The following EYS variants were observed in gnomAD, a reference collection of about 807,000 sequenced individuals.
EYS encodes protein eyes shut homolog.
A neutral mutation model predicts 282.1 loss-of-function variants in EYS; 250 were observed. That is an observed-to-expected ratio of 0.89 (90% CI 0.80 to 0.98). The LOEUF is 0.98. Among genes scored for constraint, EYS ranks in the 50% least tolerant of loss-of-function variants. The probability of loss-of-function intolerance (pLI) is 0.00; values close to 1 mark genes in which losing one functional copy is unlikely to be tolerated. For synonymous variants in EYS, 1,355 were observed against 1,282.9 expected, an observed-to-expected ratio of 1.06 and a Z score of -1.20; for missense variants, 4,016 against 3,709.0, an observed-to-expected ratio of 1.08 and a Z score of -2.15.
At chr6:65,536,070 C>T (rs1223144083) in intron 2 of EYS, among the ~76,000 whole-genome samples, 1 of 151,964 alleles carries the variant, frequency 6.6e-6, no homozygotes, top group East Asian at 1.9e-4. Flanking sequence ...GAATTTACTT[C>T]AGATACATTT....
chr6:64,151,522 A>G (rs1774736901), intron 31 of EYS, among the ~76,000 whole-genome samples: 1 of 150,676 alleles, frequency 6.6e-6, no homozygotes. Flanking sequence ...CACCAATGAC[A>G]AGTTAATTTT....
chr6:65,643,349 C>T (rs989737388), intron 1 of EYS, among the ~76,000 whole-genome samples: 2 of 152,196 alleles, frequency 1.3e-5, no homozygotes, highest in Admixed American at 1.3e-4. Flanking sequence ...CTGGGAACCA[C>T]ATTCCCATTC....
At chr6:65,218,646 C>T (rs1485205713) in intron 12 of EYS, among the ~76,000 whole-genome samples, 1 of 152,078 alleles carries the variant, frequency 6.6e-6, no homozygotes, top group African/African-American at 2.4e-5. Context: ...TCAACCTAGT[C>T]CCAGGCCTAA....
At chr6:64,336,567 C>T (rs1223812299) in intron 29 of EYS, among the ~76,000 whole-genome samples, 1 of 152,036 alleles carries the variant, frequency 6.6e-6, no homozygotes, top group Non-Finnish European at 1.5e-5. Flanking sequence ...GACAGGTCAT[C>T]AAGACAGAAA....
intron 31 of EYS, among the ~76,000 whole-genome samples, chr6:64,144,522 A>G (rs1471181200): frequency 6.6e-6 from 1 of 152,164 alleles, no homozygotes; most frequent in Non-Finnish European, 1.5e-5. Context: ...TAATCCTAAC[A>G]TGCTAACTTA....
intron 26 of EYS, among the ~76,000 whole-genome samples, chr6:64,569,044 A>C (rs6924060): frequency 0.027 from 4,062 of 149,322 alleles, 146 homozygotes; most frequent in East Asian, 0.099. Context: ...AAAAAAAAAA[A>C]CAGCAAAAAA....
chr6:65,478,813 C>T (rs1224665375), intron 5 of EYS, among the ~76,000 whole-genome samples: 2 of 152,066 alleles, frequency 1.3e-5, no homozygotes, highest in Non-Finnish European at 2.9e-5. Context: ...AGAGAGAAAG[C>T]CACATTGACA....
At chr6:63,864,073 GA>G in intron 36 of EYS, 112 bp downstream of exon 36, 1 of 1,019,022 alleles carries the variant, frequency 9.8e-7, no homozygotes, top group Admixed American at 3.6e-5. Flanking sequence ...GAACCCAGAA[GA>G]AGATTTGATG....
intron 22 of EYS, among the ~76,000 whole-genome samples, chr6:64,688,744 T>A (rs192470884): frequency 6.6e-6 from 1 of 152,302 alleles, no homozygotes; most frequent in Admixed American, 6.5e-5. Flanking sequence ...TTAGGTCCGC[T>A]TGGTGCAGAG....
intron 12 of EYS, among the ~76,000 whole-genome samples, chr6:65,227,621 C>T (rs1006688442): frequency 2.6e-5 from 4 of 151,938 alleles, no homozygotes; most frequent in Non-Finnish European, 1.5e-5. Flanking sequence ...TATCTTAACA[C>T]TAATGTTTAT....
chr6:65,428,853 CAT>C (rs1421279958), intron 5 of EYS, among the ~76,000 whole-genome samples: 2 of 152,130 alleles, frequency 1.3e-5, no homozygotes, highest in African/African-American at 4.8e-5. Context: ...AAATCCCCCA[CAT>C]GAGGCACCAA....
At chr6:64,529,378 A>G (rs1341995940) in intron 26 of EYS, among the ~76,000 whole-genome samples, 1 of 152,074 alleles carries the variant, frequency 6.6e-6, no homozygotes, top group Non-Finnish European at 1.5e-5. Context: ...ATCTTGATAT[A>G]TTCCTCCCTC....
Position 65,262,644 on chromosome 6 carries a change from T to C in EYS, c.2023+33219A>G, listed in dbSNP as rs191796671. On this transcript the variant is annotated intron_variant, in intron 12 of 42. Coordinates refer to ENST00000503581, the MANE Select transcript of EYS (RefSeq NM_001142800.2). ...ATATGAAATGATATATATTATGATA[T>C]GATACAATAAGAACAACAATAACAC... 4.8e-3 allele frequency among the ~76,000 whole-genome samples: 725 copies of C among 152,264 alleles called. 5 individuals carry two copies. Among genetic ancestry groups the C allele is most frequent in the Non-Finnish European group, 6.9e-3 (467 of 68,002 alleles).
At chr6:64,820,145 T>C (rs1394455015) in intron 21 of EYS, among the ~76,000 whole-genome samples, 2 of 152,006 alleles carry the variant, frequency 1.3e-5, no homozygotes, top group African/African-American at 4.8e-5. Flanking sequence ...TTAAAAAGAA[T>C]GAATCAGGAC....
intron 5 of EYS, among the ~76,000 whole-genome samples, chr6:65,474,607 T>A (rs1261602413): frequency 6.6e-6 from 1 of 152,132 alleles, no homozygotes; most frequent in Non-Finnish European, 1.5e-5. Context: ...ACAGATAGCA[T>A]CAGCAACATC....
chr6:64,887,769 G>C (rs190403331), intron 18 of EYS, among the ~76,000 whole-genome samples: 3 of 152,108 alleles, frequency 2.0e-5, no homozygotes, highest in Admixed American at 1.3e-4. Context: ...GCTTGCTTTT[G>C]AAAGTCTCAG....
chr6:65,571,585 A>G (rs778215973), intron 2 of EYS, among the ~76,000 whole-genome samples: 8 of 152,006 alleles, frequency 5.3e-5, no homozygotes, highest in Admixed American at 2.0e-4. Flanking sequence ...TTTTGGGATG[A>G]CATAATCTGG....
chr6:63,763,161 T>C (rs1028576731), intron 40 of EYS, among the ~76,000 whole-genome samples: 5 of 151,990 alleles, frequency 3.3e-5, no homozygotes, highest in African/African-American at 9.7e-5. Context: ...CTTGAGGACA[T>C]ATAAAAATGA....
intron 37 of EYS, among the ~76,000 whole-genome samples, chr6:63,794,995 T>G (rs1197692157): frequency 6.6e-6 from 1 of 152,096 alleles, no homozygotes; most frequent in Non-Finnish European, 1.5e-5. Flanking sequence ...AAGGAAACAA[T>G]AGGAAGTGAC....
Sources: gnomAD v4.1 joint callset for allele counts (sites outside exome capture counted in the v4.1 genomes callset) on GRCh38, gnomAD v4.1.1 for gene constraint, MANE v1.5 for transcripts, NCBI Gene and HGNC (gene_info 2026-07-23, HGNC 2026-07-21) for gene names.